BICC1: variants seen among roughly 807,000 people sequenced by gnomAD.
BICC1 encodes the protein protein bicaudal C homolog 1.
A neutral mutation model predicts 111.0 loss-of-function variants in BICC1; 43 were observed. That is an observed-to-expected ratio of 0.39 (90% CI 0.30 to 0.50). BICC1 has a LOEUF of 0.50. BICC1 is among the 20% of genes least tolerant of loss of function. The pLI is 0.88. For synonymous variants in BICC1, 467 were observed against 434.4 expected, an observed-to-expected ratio of 1.07 and a Z score of -0.93; for missense variants, 1,091 against 1,203.2, an observed-to-expected ratio of 0.91 and a Z score of 1.38.
At chr10:58,713,727 A>C (rs559756594) in intron 3 of BICC1, among the ~76,000 whole-genome samples, 2 of 152,368 alleles carry the variant, frequency 1.3e-5, no homozygotes, top group South Asian at 4.1e-4. Flanking sequence ...TTGGTTCTTA[A>C]GTGTCTTCTT....
At chr10:58,753,838 C>G (rs1317687267) in intron 3 of BICC1, among the ~76,000 whole-genome samples, 1 of 151,844 alleles carries the variant, frequency 6.6e-6, no homozygotes, top group Non-Finnish European at 1.5e-5. Flanking sequence ...TTTGCCTTGC[C>G]TTGCCATTTT....
chr10:58,583,270 A>G (rs2393449), intron 1 of BICC1, among the ~76,000 whole-genome samples: 70,948 of 151,736 alleles, frequency 0.47, 17,500 homozygotes, highest in Admixed American at 0.63. Flanking sequence ...AACCTTGGTG[A>G]CATTTGGTTA....
At chr10:58,789,172 T>C in intron 6 of BICC1, 90 bp from the exon 7 acceptor site, 1 of 1,124,880 alleles carries the variant, frequency 8.9e-7, no homozygotes, top group South Asian at 1.6e-5. Flanking sequence ...CTTTAAAATC[T>C]ATCTTCAGAA....
Position 58,820,459 on chromosome 10 carries a change from G to T in BICC1, c.2785G>T (p.Ala929Ser), listed in dbSNP as rs775497601. Reference sequence around the variant, plus strand: ...TGGTGCCAGGAGGAAAATGCTGCTTGCAATTTCAGGTGAATATAAATATTC... The same window carrying T: ...TGGTGCCAGGAGGAAAATGCTGCTTTCAATTTCAGGTGAATATAAATATTC... ...TFGARRKMLL[A>S]ISELNKNRRK... is the part of the protein sequence containing the mutation. Residue 929 changes from alanine to serine, a missense_variant, in exon 20 of 21, where the codon GCA becomes TCA. Physicochemically the swap from Ala to Ser is moderately conservative, Grantham distance 99. Around this residue, in one of 3 missense-constraint regions of BICC1, gnomAD observed 231 missense variants for 256.2 expected, o/e 0.90. Coordinates refer to ENST00000373886, the MANE Select transcript of BICC1 (RefSeq NM_001080512.3). 17 of 1,602,714 alleles carry T rather than the reference G, an allele frequency of 1.1e-5. No homozygotes were observed. The highest frequency in any genetic ancestry group is 1.5e-5 in the Non-Finnish European group (17 of 1,170,360).
At chr10:58,556,997 A>T (rs1843467584) in intron 1 of BICC1, among the ~76,000 whole-genome samples, 1 of 152,088 alleles carries the variant, frequency 6.6e-6, no homozygotes, top group Non-Finnish European at 1.5e-5. Flanking sequence ...GCGTTGTAAA[A>T]GGGACTTTGC....
chr10:58,699,636 GT>G (rs1840169507), intron 2 of BICC1, among the ~76,000 whole-genome samples: 1 of 151,648 alleles, frequency 6.6e-6, no homozygotes, highest in Non-Finnish European at 1.5e-5. Context: ...CATGTAGATT[GT>G]TTTCTTACTG....
At position 58,829,761 on chromosome 10, in the gene BICC1, G is replaced by A. The variant is rs1037012177; in HGVS notation, c.*870G>A. On this transcript the variant is annotated 3_prime_UTR_variant, in exon 21 of 21. Coordinates refer to ENST00000373886, the MANE Select transcript of BICC1 (RefSeq NM_001080512.3). ...ATTTTAATGGTTGTCTGGAGGCAAAGGGCTGTTTTTTAGTATATTGCCACT... is the reference window on the plus strand; with the variant it reads ...ATTTTAATGGTTGTCTGGAGGCAAAAGGCTGTTTTTTAGTATATTGCCACT... 6.6e-6 allele frequency: 1 copy of A among 152,070 alleles called. No individual in the cohort carries two copies. Among genetic ancestry groups the A allele is most frequent in the African/African-American group, 2.4e-5 (1 of 41,416 alleles). 9.4% of individuals were successfully genotyped at this position (152,070 alleles called of 1,614,324 possible).
chr10:58,711,729 C>G (rs905517344), intron 3 of BICC1, among the ~76,000 whole-genome samples: 1 of 151,890 alleles, frequency 6.6e-6, no homozygotes, highest in Admixed American at 6.6e-5. Context: ...GTACCAGGGT[C>G]AGAGAGGAAA....
chr10:58,714,145 A>G (rs772450560), intron 3 of BICC1, among the ~76,000 whole-genome samples: 14 of 152,220 alleles, frequency 9.2e-5, no homozygotes, highest in East Asian at 1.9e-4. Flanking sequence ...ATGCTGAACT[A>G]GAGGTGTGGG....
chr10:58,824,671 G>A (rs1157728568), intron 20 of BICC1, among the ~76,000 whole-genome samples: 4 of 152,204 alleles, frequency 2.6e-5, no homozygotes, highest in Non-Finnish European at 4.4e-5. Flanking sequence ...TTGATTGTGT[G>A]TGTGTGGTTT....
chr10:58,814,125 C>A lies in BICC1; in HGVS notation c.2533+139C>A, dbSNP rs188974969. Reference sequence around the variant, plus strand: ...ACATGCCATCTCCTCTGTGAAGCCTCCTTGTTTCTCCCAGTGAAGCAGGCC... The same window carrying A: ...ACATGCCATCTCCTCTGTGAAGCCTACTTGTTTCTCCCAGTGAAGCAGGCC... On this transcript the variant is annotated intron_variant, in intron 18 of 20. Transcript: ENST00000373886. 2.3e-3 allele frequency: 2,225 copies of A among 982,082 alleles called. 23 individuals carry two copies. Among genetic ancestry groups the A allele is most frequent in the East Asian group, 6.0e-3 (235 of 39,034 alleles). 60.8% of individuals were successfully genotyped at this position (982,082 alleles called of 1,614,324 possible).
At chr10:58,731,469 G>A (rs1279856691) in intron 3 of BICC1, among the ~76,000 whole-genome samples, 1 of 151,956 alleles carries the variant, frequency 6.6e-6, no homozygotes, top group Non-Finnish European at 1.5e-5. Context: ...AGGTATCTTT[G>A]TATTAATACC....
chr10:58,625,110 C>G (rs10826207), intron 2 of BICC1, among the ~76,000 whole-genome samples: 1 of 151,918 alleles, frequency 6.6e-6, no homozygotes, highest in Admixed American at 6.6e-5. Flanking sequence ...TTATAAAAGG[C>G]GGGAATGGAT....
At chr10:58,708,698 A>G (rs374388085) in intron 3 of BICC1, among the ~76,000 whole-genome samples, 1 of 125,096 alleles carries the variant, frequency 8.0e-6, no homozygotes, top group African/African-American at 3.1e-5. Flanking sequence ...TGGGGTCTCT[A>G]CTTGGCCTGT....
At chr10:58,715,938 A>G (rs1840726135) in intron 3 of BICC1, 2 of 1,362,082 alleles carry the variant, frequency 1.5e-6, no homozygotes. Flanking sequence ...AGAAACAAGG[A>G]AAATGAAGAA....
chr10:58,685,547 G>A (rs182956773), intron 2 of BICC1, among the ~76,000 whole-genome samples: 86 of 152,280 alleles, frequency 5.6e-4, no homozygotes, highest in African/African-American at 1.9e-3. Context: ...GAATCTGGGT[G>A]CTCCTGTATT....
chr10:58,705,197 T>C (rs1174044528), intron 3 of BICC1, among the ~76,000 whole-genome samples: 1 of 152,214 alleles, frequency 6.6e-6, no homozygotes, highest in Admixed American at 6.5e-5. Flanking sequence ...CAAGTTTCAC[T>C]ACTTGTTCTT....
At chr10:58,653,350 G>C (rs899699779) in intron 2 of BICC1, among the ~76,000 whole-genome samples, 1 of 152,086 alleles carries the variant, frequency 6.6e-6, no homozygotes, top group Non-Finnish European at 1.5e-5. Context: ...TGGTGGGTCT[G>C]GTTTGTTTTC....
intron 1 of BICC1, 149 bp from the exon 2 acceptor site, chr10:58,620,706 A>G (rs1280162231): frequency 1.6e-6 from 1 of 622,920 alleles, no homozygotes; most frequent in Non-Finnish European, 2.8e-6. Context: ...CCAGTTTTGC[A>G]TCCCAGTGAG....
Sources: gnomAD v4.1 joint callset for allele counts (sites outside exome capture counted in the v4.1 genomes callset) on GRCh38, gnomAD v4.1.1 for gene constraint, gnomAD v4.1.1 regional missense constraint, MANE v1.5 for transcripts, NCBI Gene and HGNC (gene_info 2026-07-23, HGNC 2026-07-21) for gene names.